ENTREP2: variants seen among roughly 807,000 people sequenced by gnomAD.
ENTREP2 encodes the protein protein ENTREP2.
At chr15:29,540,168 G>A in the ENTREP2 span, among the ~76,000 whole-genome samples, 1 of 152,092 alleles carries the variant, frequency 6.6e-6, no homozygotes, top group Non-Finnish European at 1.5e-5. Flanking sequence ...AGACCTCAAA[G>A]ACAGGCCAAT....
At chr15:29,252,916 C>G in the ENTREP2 span, among the ~76,000 whole-genome samples, 1 of 152,140 alleles carries the variant, frequency 6.6e-6, no homozygotes, top group Non-Finnish European at 1.5e-5. Flanking sequence ...AATGAAGGCA[C>G]ATGTGTCCAT....
chr15:29,479,680 TACATAC>T, the ENTREP2 span, among the ~76,000 whole-genome samples: 1 of 110,506 alleles, frequency 9.0e-6, no homozygotes, highest in Non-Finnish European at 1.8e-5. Context: ...CACACACACA[TACATAC>T]ACACACACAC....
At chr15:29,675,245 T>G in the ENTREP2 span, 1 of 152,326 alleles carries the variant, frequency 6.6e-6, no homozygotes, top group East Asian at 1.9e-4. Context: ...GCCCCCGCTT[T>G]GGCCACCCAG....
the ENTREP2 span, among the ~76,000 whole-genome samples, chr15:29,624,869 ATT>A: frequency 1.7e-5 from 2 of 119,880 alleles, no homozygotes; most frequent in Admixed American, 8.0e-5. Context: ...CCCTGCATTA[ATT>A]TGTGTGTGTG....
At chr15:29,489,595 G>A in the ENTREP2 span, among the ~76,000 whole-genome samples, 1 of 152,142 alleles carries the variant, frequency 6.6e-6, no homozygotes, top group Non-Finnish European at 1.5e-5. Flanking sequence ...GCCAATTACT[G>A]GCATCAATTC....
the ENTREP2 span, among the ~76,000 whole-genome samples, chr15:29,211,979 T>A: frequency 6.6e-6 from 1 of 152,214 alleles, no homozygotes; most frequent in African/African-American, 2.4e-5. Flanking sequence ...ATTAGGGTGA[T>A]GCTGGCTTCA....
chr15:29,173,563 T>G, the ENTREP2 span, among the ~76,000 whole-genome samples: 2 of 152,142 alleles, frequency 1.3e-5, no homozygotes, highest in Admixed American at 1.3e-4. Flanking sequence ...GAAGCCCTCC[T>G]GGGAGGATTC....
chr15:29,447,898 G>A, the ENTREP2 span, among the ~76,000 whole-genome samples: 2 of 151,740 alleles, frequency 1.3e-5, no homozygotes, highest in Non-Finnish European at 2.9e-5. Flanking sequence ...CTCCGTCTCT[G>A]CTAAAAATAC....
At chr15:29,270,396 TTAGC>T in the ENTREP2 span, among the ~76,000 whole-genome samples, 3 of 150,746 alleles carry the variant, frequency 2.0e-5, no homozygotes, top group Admixed American at 1.3e-4. Context: ...TTAAACTCCT[TTAGC>T]TAGACAACTA....
chr15:29,428,347 G>A, the ENTREP2 span, among the ~76,000 whole-genome samples: 4 of 152,114 alleles, frequency 2.6e-5, no homozygotes, highest in Non-Finnish European at 5.9e-5. Context: ...CCGAGTAGCT[G>A]TTATTACAGG....
At chr15:29,351,936 A>G in the ENTREP2 span, among the ~76,000 whole-genome samples, 1 of 151,342 alleles carries the variant, frequency 6.6e-6, no homozygotes, top group Non-Finnish European at 1.5e-5. Context: ...ACCACGTCCA[A>G]CTAATTTTAC....
the ENTREP2 span, among the ~76,000 whole-genome samples, chr15:29,350,649 T>C: frequency 6.6e-5 from 10 of 152,166 alleles, no homozygotes; most frequent in African/African-American, 2.4e-4. Flanking sequence ...ATTATTAATA[T>C]TTCATAAGAG....
the ENTREP2 span, chr15:29,269,538 G>A: frequency 6.6e-7 from 1 of 1,512,926 alleles, no homozygotes; most frequent in Non-Finnish European, 8.8e-7. Context: ...ACCCCTGCGA[G>A]CCGCCCGGCC....
the ENTREP2 span, chr15:29,613,965 C>A: frequency 6.4e-6 from 1 of 155,050 alleles, no homozygotes; most frequent in South Asian, 1.8e-4. Flanking sequence ...TCCATCCATT[C>A]ATGAAGGAAG....
At chr15:29,375,434 C>T in the ENTREP2 span, 1 of 152,290 alleles carries the variant, frequency 6.6e-6, no homozygotes, top group Non-Finnish European at 1.5e-5. Context: ...TCCTCTCTGG[C>T]ACTTTGTTCT....
the ENTREP2 span, among the ~76,000 whole-genome samples, chr15:29,206,593 C>T: frequency 2.0e-5 from 3 of 152,044 alleles, no homozygotes; most frequent in Non-Finnish European, 4.4e-5. Context: ...ACAGAAAAAC[C>T]CACAGGGACA....
chr15:29,518,406 A>T, the ENTREP2 span, among the ~76,000 whole-genome samples: 9 of 152,172 alleles, frequency 5.9e-5, no homozygotes, highest in Non-Finnish European at 1.2e-4. Context: ...ATAAATTTTC[A>T]CAACAAATGT....
chr15:29,269,803 G>T, the ENTREP2 span: 10 of 1,175,634 alleles, frequency 8.5e-6, no homozygotes, highest in East Asian at 2.8e-4. Context: ...CTGGAGGCGC[G>T]CGCAGTGTCG....
the ENTREP2 span, among the ~76,000 whole-genome samples, chr15:29,607,300 ATTTCT>A: frequency 8.1e-6 from 1 of 123,944 alleles, no homozygotes; most frequent in African/African-American, 3.5e-5. Context: ...TTCTCTCTTC[ATTTCT>A]TTTTTTTTTT....
Sources: gnomAD v4.1 joint callset for allele counts (sites outside exome capture counted in the v4.1 genomes callset) on GRCh38, gnomAD v4.1.1 for gene constraint, MANE v1.5 for transcripts, NCBI Gene and HGNC (gene_info 2026-07-23, HGNC 2026-07-21) for gene names.